HUWE1: variants seen among roughly 807,000 people sequenced by gnomAD.
HUWE1 encodes the protein HECT, UBA and WWE domain containing E3 ubiquitin protein ligase 1.
In HUWE1, 18 loss-of-function variants were observed where a neutral mutation model predicts 299.4. The ratio of observed to expected loss-of-function variants is 0.06; its 90% CI spans 0.04 to 0.09. HUWE1 has a LOEUF of 0.09. HUWE1 is among the 10% of genes least tolerant of loss of function. The probability of loss-of-function intolerance (pLI) is 1.00; values close to 1 mark genes in which losing one functional copy is unlikely to be tolerated. For missense variants in HUWE1, 1,832 were observed against 3,462.3 expected, an observed-to-expected ratio of 0.53 and a Z score of 11.82; for synonymous variants, 1,317 against 1,286.1, an observed-to-expected ratio of 1.02 and a Z score of -0.51.
intron 2 of HUWE1, among the ~76,000 whole-genome samples, chrX:53,684,394 T>A (rs2070364503): frequency 8.9e-6 from 1 of 112,162 alleles, no homozygotes; most frequent in African/African-American, 3.2e-5. Flanking sequence ...CCTCCCGTCC[T>A]GCAGGGATCT....
In HUWE1 at chrX:53,538,722, ACACT is replaced by A. The variant is rs1360869995; in HGVS notation, c.11878+109_11878+112del. The A allele has an allele frequency of 4.1e-3, 1,778 of 433,808 alleles. 1 individual carries two copies. The highest frequency in any genetic ancestry group is 0.011 in the African/African-American group (365 of 34,677). The allele number at this position is 433,808 out of a possible 1,213,427, so 35.8% of individuals were successfully genotyped here. Reference sequence around the variant, plus strand: ...TACACACACACACACACACACACACACACTCTCTCTCTCTCTCTCTCTCTCTCTC... The same window carrying A: ...TACACACACACACACACACACACACACTCTCTCTCTCTCTCTCTCTCTCTC... On this transcript the variant is annotated intron_variant, in intron 76 of 83. Transcript: ENST00000262854.
intron 77 of HUWE1, 37 bp from the exon 78 acceptor site, chrX:53,537,733 G>C: frequency 2.5e-6 from 3 of 1,186,204 alleles, no homozygotes; most frequent in Non-Finnish European, 3.4e-6. Flanking sequence ...TAGGATTAAG[G>C]GTGGCAGAAC....
chrX:53,546,621 C>A (rs1556923115), intron 69 of HUWE1, 29 bp from the exon 70 acceptor site: 1 of 1,208,914 alleles, frequency 8.3e-7, no homozygotes, highest in South Asian at 1.8e-5. Flanking sequence ...AAGGAGTAAG[C>A]CCCAGCCTGA....
At chrX:53,552,578 A>T (rs2061811334) in intron 62 of HUWE1, 60 bp downstream of exon 62, 2 of 1,206,862 alleles carry the variant, frequency 1.7e-6, no homozygotes, top group African/African-American at 3.5e-5. Context: ...GACGAGTATG[A>T]AATGTGCTTT....
At chrX:53,570,005 C>A (rs928983298) in intron 47 of HUWE1, among the ~76,000 whole-genome samples, 178 bp from the exon 48 acceptor site, 2 of 112,673 alleles carry the variant, frequency 1.8e-5, no homozygotes, top group Non-Finnish European at 3.7e-5. Flanking sequence ...AAGGAGCAAA[C>A]CCAGATTTTA....
chrX:53,594,402 T>C (rs2064339125), intron 31 of HUWE1, 97 bp downstream of exon 31: 1 of 924,785 alleles, frequency 1.1e-6, no homozygotes. Context: ...TATCCCACTG[T>C]TACAAGATAG....
chrX:53,668,182 C>T (rs961420048), intron 3 of HUWE1, among the ~76,000 whole-genome samples: 5 of 110,274 alleles, frequency 4.5e-5, no homozygotes, highest in African/African-American at 9.9e-5. Flanking sequence ...GGTGGCTCAC[C>T]CCTATAATCC....
intron 17 of HUWE1, among the ~76,000 whole-genome samples, chrX:53,626,808 A>G (rs2066536765): frequency 9.0e-6 from 1 of 111,586 alleles, no homozygotes; most frequent in Admixed American, 9.5e-5. Flanking sequence ...CCGGGACCAC[A>G]GGTGCATGCC....
chrX:53,634,948 C>G (rs1186189926), intron 7 of HUWE1, among the ~76,000 whole-genome samples: 1 of 112,143 alleles, frequency 8.9e-6, no homozygotes, highest in South Asian at 3.7e-4. Context: ...TGCATCTTAA[C>G]AGCCTTTAAA....
Position 53,562,169 on chromosome X carries a change from T to A in HUWE1, c.7280A>T (p.Asp2427Val). The change falls in exon 54 of 84, where the codon GAT becomes GTT. Residue 2427 changes from aspartate (D) to valine (V), a missense_variant. Transcript: ENST00000262854. ...QEEDSSGSNE[D>V]EDDSQDEEEE... ...CTCTTCATCCTGACTATCATCCTCA[T>A]CCTCGTTACTGCCACTGCTGTCCTC... 8.4e-7 allele frequency: 1 copy of A among 1,185,573 alleles called. No individual in the cohort carries two copies. Among genetic ancestry groups the A allele is most frequent in the Non-Finnish European group, 1.1e-6 (1 of 871,736 alleles).
At chrX:53,622,400 G>T (rs1179560952) in intron 19 of HUWE1, among the ~76,000 whole-genome samples, 2 of 111,630 alleles carry the variant, frequency 1.8e-5, no homozygotes, top group African/African-American at 6.5e-5. Flanking sequence ...AGTGCCCAGG[G>T]CACCTCAAAT....
At chrX:53,671,311 C>T (rs2069516813) in intron 3 of HUWE1, among the ~76,000 whole-genome samples, 1 of 111,696 alleles carries the variant, frequency 9.0e-6, no homozygotes, top group African/African-American at 3.3e-5. Flanking sequence ...ATATGGATCT[C>T]ATAAATATTT....
chrX:53,553,433 C>A (rs1468810036), intron 61 of HUWE1, among the ~76,000 whole-genome samples: 1 of 107,431 alleles, frequency 9.3e-6, no homozygotes, highest in African/African-American at 3.4e-5. Context: ...TGAGCCACCG[C>A]GCCCAGCCCG....
intron 72 of HUWE1, 72 bp from the exon 73 acceptor site, chrX:53,544,040 A>G: frequency 4.2e-6 from 4 of 961,746 alleles, no homozygotes; most frequent in Non-Finnish European, 5.8e-6. Flanking sequence ...TCTCTCTCCT[A>G]TCTCCTGGGC....
intron 2 of HUWE1, among the ~76,000 whole-genome samples, chrX:53,681,365 C>T (rs1489108303): frequency 9.6e-6 from 1 of 104,114 alleles, no homozygotes; most frequent in African/African-American, 3.5e-5. Flanking sequence ...ACCCAGGAGG[C>T]GGAGGTTGCA....
At chrX:53,537,261 A>C (rs1307906879) in intron 78 of HUWE1, 11 of 341,463 alleles carry the variant, frequency 3.2e-5, no homozygotes, top group Non-Finnish European at 5.7e-5. Context: ...GGTCATTCCT[A>C]GTATAGCAAT....
chrX:53,557,845 ATGTG>A (rs2062099494), intron 59 of HUWE1, among the ~76,000 whole-genome samples: 3 of 111,719 alleles, frequency 2.7e-5, no homozygotes, highest in Admixed American at 9.5e-5. Flanking sequence ...GTTTGAAACA[ATGTG>A]TGTATTAGGT....
chrX:53,644,789 C>T (rs1185083667), intron 7 of HUWE1, among the ~76,000 whole-genome samples: 2 of 111,891 alleles, frequency 1.8e-5, no homozygotes, highest in East Asian at 5.6e-4. Context: ...AAGAAGTTGC[C>T]TCTGGGAACA....
At chrX:53,675,074 A>C (rs2069748591) in intron 3 of HUWE1, among the ~76,000 whole-genome samples, 1 of 111,229 alleles carries the variant, frequency 9.0e-6, no homozygotes, top group African/African-American at 3.3e-5. Flanking sequence ...CCCTAGGCCC[A>C]CTCGAATCCT....
Sources: gnomAD v4.1 joint callset for allele counts (sites outside exome capture counted in the v4.1 genomes callset) on GRCh38, gnomAD v4.1.1 for gene constraint, MANE v1.5 for transcripts, NCBI Gene and HGNC (gene_info 2026-07-23, HGNC 2026-07-21) for gene names.